The following VAC14 variants were observed in gnomAD, a reference collection of about 807,000 sequenced individuals.
VAC14 encodes the protein protein VAC14 homolog.
VAC14 carries 47 observed loss-of-function variants against 85.3 expected under a neutral mutation model. The observed-to-expected ratio is 0.55, with a 90% CI of 0.44 to 0.70. VAC14 has a LOEUF of 0.70. Ranked by LOEUF, VAC14 falls within the 30% of genes least tolerant of loss-of-function variation. The pLI is 0.00. For synonymous variants in VAC14, 447 were observed against 430.5 expected (o/e 1.04, Z -0.47); for missense variants, 861 against 1,004.3 (o/e 0.86, Z 1.93).
intron 16 of VAC14, 163 bp downstream of exon 16, chr16:70,696,976 C>T (rs2053725243): frequency 1.7e-6 from 1 of 603,868 alleles, no homozygotes; most frequent in African/African-American, 1.9e-5. Context: ...CGTCCCTCCC[C>T]TCCCAGTGTC....
intron 3 of VAC14, among the ~76,000 whole-genome samples, chr16:70,785,404 A>G (rs1242369420): frequency 1.3e-5 from 2 of 152,274 alleles, no homozygotes; most frequent in African/African-American, 4.8e-5. Context: ...TGGCGTCAGC[A>G]TCATCCCCTT....
chr16:70,754,640 G>A (rs1445448296), intron 12 of VAC14, among the ~76,000 whole-genome samples: 1 of 152,086 alleles, frequency 6.6e-6, no homozygotes, highest in South Asian at 2.1e-4. Context: ...GAGGGTCCCC[G>A]GGCCATCAGT....
intron 10 of VAC14, among the ~76,000 whole-genome samples, chr16:70,765,357 C>T (rs922931451): frequency 6.6e-6 from 1 of 152,176 alleles, no homozygotes; most frequent in Admixed American, 6.5e-5. Context: ...TCCCCTACTC[C>T]ACTGGCATGG....
intron 14 of VAC14, among the ~76,000 whole-genome samples, chr16:70,718,608 T>C (rs1278094015): frequency 2.7e-5 from 4 of 150,844 alleles, no homozygotes; most frequent in Non-Finnish European, 4.4e-5. Context: ...AAGAAAACTG[T>C]GCTTGGGAAG....
At chr16:70,691,766 C>T (rs2053599972) in intron 18 of VAC14, 20 of 985,284 alleles carry the variant, frequency 2.0e-5, no homozygotes, top group Non-Finnish European at 2.3e-5. Context: ...TATCAGGTGC[C>T]CCACACTCAG....
intron 14 of VAC14, among the ~76,000 whole-genome samples, chr16:70,727,314 C>T (rs7194527): frequency 0.046 from 7,053 of 152,238 alleles, 543 homozygotes; most frequent in African/African-American, 0.16. Context: ...GGAACCATCG[C>T]GATGCCTCTC....
chr16:70,755,357 C>T, intron 12 of VAC14: 1 of 206,142 alleles, frequency 4.9e-6, no homozygotes, highest in Non-Finnish European at 1.0e-5. Flanking sequence ...AACTGAAGGT[C>T]AGCCAAGGAC....
At chr16:70,729,259 T>A (rs916062283) in intron 14 of VAC14, among the ~76,000 whole-genome samples, 5 of 152,188 alleles carry the variant, frequency 3.3e-5, no homozygotes, top group Non-Finnish European at 7.4e-5. Context: ...GGCGCTGAGT[T>A]CGAGAAGCCC....
chr16:70,786,131 G>A, intron 2 of VAC14, 84 bp downstream of exon 2: 1 of 1,556,560 alleles, frequency 6.4e-7, no homozygotes, highest in South Asian at 1.2e-5. Flanking sequence ...TGCCCTACTG[G>A]GTCTTGACAG....
chr16:70,748,864 T>G (rs181631052), intron 12 of VAC14, among the ~76,000 whole-genome samples: 1 of 152,286 alleles, frequency 6.6e-6, no homozygotes, highest in Admixed American at 6.5e-5. Flanking sequence ...GAGAATTGCT[T>G]GAGCAGAGGC....
intron 10 of VAC14, chr16:70,768,964 C>CT: frequency 3.9e-6 from 1 of 256,776 alleles, no homozygotes; most frequent in Non-Finnish European, 7.7e-6. Context: ...CCACGCCTGG[C>CT]TATTTTTTTT....
chr16:70,708,734 T>C (rs114701289), intron 14 of VAC14, among the ~76,000 whole-genome samples: 1,869 of 152,110 alleles, frequency 0.012, 42 homozygotes, highest in African/African-American at 0.043. Flanking sequence ...GGGTATCTGC[T>C]GAGATAGTGT....
chr16:70,723,014 G>C (rs1232199531), intron 14 of VAC14, among the ~76,000 whole-genome samples: 2 of 152,072 alleles, frequency 1.3e-5, no homozygotes, highest in African/African-American at 2.4e-5. Flanking sequence ...TCAGGAGTTT[G>C]AGACCAACCT....
intron 1 of VAC14, among the ~76,000 whole-genome samples, chr16:70,790,807 T>C (rs529329574): frequency 6.6e-6 from 1 of 152,204 alleles, no homozygotes; most frequent in Non-Finnish European, 1.5e-5. Context: ...TCAGGCCCTG[T>C]GGCCCCAGGA....
At chr16:70,777,535 T>C (rs1281124101) in intron 9 of VAC14, among the ~76,000 whole-genome samples, 1 of 152,142 alleles carries the variant, frequency 6.6e-6, no homozygotes, top group Non-Finnish European at 1.5e-5. Context: ...GGGACCAGGC[T>C]GGACACGCAA....
intron 8 of VAC14, among the ~76,000 whole-genome samples, chr16:70,781,204 G>C (rs2033795156): frequency 6.6e-6 from 1 of 152,188 alleles, no homozygotes; most frequent in Non-Finnish European, 1.5e-5. Flanking sequence ...CATGTGACCT[G>C]CTGGCTTCCT....
intron 18 of VAC14, 64 bp downstream of exon 18, chr16:70,692,757 C>G: frequency 6.4e-7 from 1 of 1,551,300 alleles, no homozygotes; most frequent in Non-Finnish European, 8.7e-7. Flanking sequence ...CCCTTCCTCA[C>G]CAGGCTCCTC....
At chr16:70,724,828 C>G (rs920950456) in intron 14 of VAC14, among the ~76,000 whole-genome samples, 1 of 152,230 alleles carries the variant, frequency 6.6e-6, no homozygotes, top group Admixed American at 6.5e-5. Flanking sequence ...AAGAATTCCT[C>G]CTGCCTGTTC....
chr16:70,783,149 A>G lies in VAC14; in HGVS notation c.705-10T>C. ...AAGAACAACCTCACACCTATGAACA[A>G]GAACAGGAAAGTGGAAACAGCGAGG... On this transcript the variant is annotated splice_polypyrimidine_tract_variant and intron_variant, in intron 6 of 18. Coordinates refer to ENST00000261776, the MANE Select transcript of VAC14 (RefSeq NM_018052.5). 3 of 1,612,596 alleles carry G rather than the reference A, an allele frequency of 1.9e-6. No homozygotes were observed. The highest frequency in any genetic ancestry group is 1.3e-5 in the African/African-American group (1 of 75,030).
Sources: gnomAD v4.1 joint callset for allele counts (sites outside exome capture counted in the v4.1 genomes callset) on GRCh38, gnomAD v4.1.1 for gene constraint, MANE v1.5 for transcripts, NCBI Gene and HGNC (gene_info 2026-07-23, HGNC 2026-07-21) for gene names.